Variants in TMTC2 observed in about 807,000 individuals in gnomAD.
The protein encoded by TMTC2 is protein O-mannosyl-transferase TMTC2.
TMTC2 carries 43 observed loss-of-function variants against 82.4 expected under a neutral mutation model. That is an observed-to-expected ratio of 0.52 (90% CI 0.41 to 0.67). The LOEUF (loss-of-function observed/expected upper bound fraction) is 0.67. Among genes scored for constraint, TMTC2 ranks in the 30% least tolerant of loss-of-function variants. The pLI, the probability that TMTC2 is intolerant of heterozygous loss-of-function variation, is 0.00. For missense variants in TMTC2, 919 were observed against 1,012.4 expected, an observed-to-expected ratio of 0.91 and a Z score of 1.25; for synonymous variants, 408 against 381.9, an observed-to-expected ratio of 1.07 and a Z score of -0.80.
At chr12:82,875,895 C>A (rs115128441) in intron 2 of TMTC2, among the ~76,000 whole-genome samples, 1,405 of 120,826 alleles carry the variant, frequency 0.012, 23 homozygotes, top group African/African-American at 0.05. Context: ...GGAGAGCTCA[C>A]GCTTAAAAAA....
At chr12:82,893,065 C>T (rs750378328) in intron 2 of TMTC2, among the ~76,000 whole-genome samples, 5 of 151,750 alleles carry the variant, frequency 3.3e-5, no homozygotes, top group African/African-American at 4.8e-5. Context: ...TGAAGTATTT[C>T]GGCAGTTTAA....
chr12:82,803,539 C>A (rs770186957), intron 1 of TMTC2, among the ~76,000 whole-genome samples: 5 of 152,032 alleles, frequency 3.3e-5, no homozygotes, highest in Non-Finnish European at 5.9e-5. Flanking sequence ...TGCTAATTGG[C>A]AGCTCAGGAA....
At chr12:82,980,588 T>C (rs1014094040) in intron 7 of TMTC2, among the ~76,000 whole-genome samples, 1 of 134,386 alleles carries the variant, frequency 7.4e-6, no homozygotes, top group Non-Finnish European at 1.6e-5. Flanking sequence ...TTTGTAAGTG[T>C]CCCTGTTCTT....
intron 8 of TMTC2, among the ~76,000 whole-genome samples, chr12:83,013,108 CATA>C (rs771667573): frequency 3.3e-5 from 5 of 151,956 alleles, no homozygotes; most frequent in Non-Finnish European, 7.4e-5. Context: ...TTCTGCTTAA[CATA>C]ATATCACTTA....
At chr12:83,058,378 G>A (rs1338205751) in intron 10 of TMTC2, among the ~76,000 whole-genome samples, 1 of 151,768 alleles carries the variant, frequency 6.6e-6, no homozygotes, top group Non-Finnish European at 1.5e-5. Flanking sequence ...GATTTCTTGG[G>A]AATTCAGGGT....
intron 1 of TMTC2, among the ~76,000 whole-genome samples, chr12:82,840,742 A>G (rs1294024461): frequency 3.9e-5 from 6 of 152,168 alleles, no homozygotes; most frequent in Non-Finnish European, 8.8e-5. Context: ...AGGCTAAACT[A>G]TACCATCACT....
intron 3 of TMTC2, among the ~76,000 whole-genome samples, chr12:82,912,939 G>GAAAAAAAA (rs71068957): frequency 7.9e-6 from 1 of 126,930 alleles, no homozygotes. Context: ...GACCTTGTCT[G>GAAAAAAAA]AAAAAAAAAA....
At chr12:82,707,529 C>T (rs185032742) in intron 1 of TMTC2, among the ~76,000 whole-genome samples, 7 of 152,266 alleles carry the variant, frequency 4.6e-5, no homozygotes, top group East Asian at 1.9e-4. Flanking sequence ...TCTCTTGGTC[C>T]GGCTATGGTG....
chr12:83,124,220 G>T (rs1352596920), intron 11 of TMTC2, among the ~76,000 whole-genome samples: 1 of 152,192 alleles, frequency 6.6e-6, no homozygotes, highest in Admixed American at 6.5e-5. Context: ...CGTATCCATT[G>T]TCTGGCCGAG....
chr12:82,770,827 T>G (rs988332612), intron 1 of TMTC2, among the ~76,000 whole-genome samples: 1 of 152,190 alleles, frequency 6.6e-6, no homozygotes, highest in African/African-American at 2.4e-5. Context: ...TTTCCTTGCT[T>G]ATTATCTATT....
rs764538694 is a variant in TMTC2, at chr12:82,985,929, A to G, written c.1953A>G (p.Glu651=). 27 of 1,612,764 alleles carry G rather than the reference A, an allele frequency of 1.7e-5. No individual in the cohort carries two copies. In the South Asian group the frequency reaches 2.9e-4, roughly 17 times the overall value. Residue 651 remains glutamate (E), a synonymous_variant, in exon 8 of 12, where the codon GAA becomes GAG. Transcript: ENST00000321196. ...CATGATTAATTCTCTTTCCAGGTGA[A>G]GCATATATGCGTTTAAGCAAACTCC... ...APQSLYNMMG[E]AYMRLSKLPE...
intron 8 of TMTC2, among the ~76,000 whole-genome samples, chr12:83,007,089 T>C (rs1880238543): frequency 6.6e-6 from 1 of 151,648 alleles, no homozygotes; most frequent in South Asian, 2.1e-4. Flanking sequence ...GAACTTAAAG[T>C]ATAATAGAAA....
At chr12:83,015,533 G>T (rs1880638669) in intron 8 of TMTC2, among the ~76,000 whole-genome samples, 1 of 152,124 alleles carries the variant, frequency 6.6e-6, no homozygotes, top group East Asian at 1.9e-4. Context: ...TTCCTTCTAA[G>T]GTCAAGAGTG....
chr12:82,999,811 G>C (rs1338847186), intron 8 of TMTC2, among the ~76,000 whole-genome samples: 1 of 152,058 alleles, frequency 6.6e-6, no homozygotes, highest in Non-Finnish European at 1.5e-5. Context: ...GATTTGGATG[G>C]GGACACAGAG....
intron 4 of TMTC2, among the ~76,000 whole-genome samples, chr12:82,953,651 A>G (rs2137283132): frequency 6.6e-6 from 1 of 152,324 alleles, no homozygotes; most frequent in Non-Finnish European, 1.5e-5. Flanking sequence ...ACATTTAACA[A>G]TTAAGTTATG....
chr12:82,837,546 T>C (rs1375427824), intron 1 of TMTC2, among the ~76,000 whole-genome samples: 3 of 152,128 alleles, frequency 2.0e-5, no homozygotes, highest in Non-Finnish European at 4.4e-5. Flanking sequence ...TGTAGAAAAA[T>C]TACAAAGATT....
At chr12:83,128,141 TA>T (rs1282383274) in intron 11 of TMTC2, among the ~76,000 whole-genome samples, 1 of 152,130 alleles carries the variant, frequency 6.6e-6, no homozygotes, top group Admixed American at 6.6e-5. Context: ...CAGTTGTCTT[TA>T]ATAAAAGACC....
rs575985124 is a variant in TMTC2, at chr12:82,749,739, C to CTTTCTT, written c.83+62073_83+62074insCTTTTT. 3.3e-3 allele frequency among the ~76,000 whole-genome samples: 422 copies of CTTTCTT among 127,136 alleles called. 5 individuals carry two copies. The highest frequency in any genetic ancestry group is 0.012 in the African/African-American group (402 of 32,278). The allele number at this position is 127,136 out of a possible 152,430, so 83.4% of individuals were successfully genotyped here. On this transcript the variant is annotated intron_variant, in intron 1 of 11. Transcript: ENST00000321196. ...TTTGTTTTTCTTTCTTTCTTTCTTT[C>CTTTCTT]TTTTTTTTTTTTTTTTGAGGCGGAG...
intron 9 of TMTC2, among the ~76,000 whole-genome samples, chr12:83,049,117 A>T (rs913699860): frequency 5.3e-5 from 8 of 151,864 alleles, no homozygotes; most frequent in Admixed American, 2.6e-4. Context: ...TAGCATTTTT[A>T]TTTTTTTTGT....
Sources: gnomAD v4.1 joint callset for allele counts (sites outside exome capture counted in the v4.1 genomes callset) on GRCh38, gnomAD v4.1.1 for gene constraint, MANE v1.5 for transcripts, NCBI Gene and HGNC (gene_info 2026-07-23, HGNC 2026-07-21) for gene names.